CEP128: variants seen among roughly 807,000 people sequenced by gnomAD.
The protein encoded by CEP128 is centrosomal protein 128kDa.
A neutral mutation model predicts 156.7 loss-of-function variants in CEP128; 132 were observed. The observed-to-expected ratio is 0.84, with a 90% CI of 0.73 to 0.97. The LOEUF (loss-of-function observed/expected upper bound fraction) is 0.97, where lower values mean the gene tolerates loss of function less well. Among genes scored for constraint, CEP128 ranks in the 50% least tolerant of loss-of-function variants. CEP128 has a pLI of 0.00. For synonymous variants in CEP128, 469 were observed against 448.9 expected (o/e 1.04, Z -0.57); for missense variants, 1,252 against 1,281.9 (o/e 0.98, Z 0.36).
chr14:80,923,402 G>C (rs1476174822), intron 2 of CEP128, among the ~76,000 whole-genome samples: 1 of 152,196 alleles, frequency 6.6e-6, no homozygotes, highest in Non-Finnish European at 1.5e-5. Flanking sequence ...TTGACCTAAA[G>C]AGCCATCAGA....
At chr14:80,744,444 C>T (rs2096837302) in intron 18 of CEP128, among the ~76,000 whole-genome samples, 2 of 152,098 alleles carry the variant, frequency 1.3e-5, no homozygotes, top group Admixed American at 1.3e-4. Context: ...ATATAGAGTT[C>T]TGTAGAAATG....
chr14:80,656,801 T>A (rs1333619307), intron 19 of CEP128, among the ~76,000 whole-genome samples: 1 of 152,090 alleles, frequency 6.6e-6, no homozygotes, highest in Non-Finnish European at 1.5e-5. Flanking sequence ...AAGATCACAG[T>A]TTTTGCTGGT....
At chr14:80,772,188 A>G (rs902471927) in intron 16 of CEP128, among the ~76,000 whole-genome samples, 1 of 152,266 alleles carries the variant, frequency 6.6e-6, no homozygotes, top group Admixed American at 6.5e-5. Flanking sequence ...TTTTGTGCCC[A>G]TAAGTTGCCT....
intron 19 of CEP128, among the ~76,000 whole-genome samples, chr14:80,642,021 C>T (rs151288552): frequency 0.017 from 2,386 of 136,814 alleles, 68 homozygotes; most frequent in African/African-American, 0.061. Flanking sequence ...ACCCGGGAGG[C>T]GGAGCTTGCA....
chr14:80,871,728 TTACCAGAA>T (rs1888038621), intron 8 of CEP128, among the ~76,000 whole-genome samples: 1 of 152,122 alleles, frequency 6.6e-6, no homozygotes, highest in South Asian at 2.1e-4. Context: ...AAATTCATAT[TTACCAGAA>T]TACCATTATC....
chr14:80,646,408 C>T (rs1894634763), intron 19 of CEP128, among the ~76,000 whole-genome samples: 1 of 150,456 alleles, frequency 6.6e-6, no homozygotes, highest in South Asian at 2.1e-4. Flanking sequence ...AAAATGTATG[C>T]TAGGGAAATA....
At chr14:80,561,546 T>C (rs1810853549) in intron 20 of CEP128, among the ~76,000 whole-genome samples, 1 of 152,210 alleles carries the variant, frequency 6.6e-6, no homozygotes, top group African/African-American at 2.4e-5. Context: ...ATCATATTTA[T>C]ATGAACCATC....
intron 8 of CEP128, among the ~76,000 whole-genome samples, chr14:80,866,582 G>C (rs1267864387): frequency 6.6e-6 from 1 of 152,170 alleles, no homozygotes; most frequent in African/African-American, 2.4e-5. Context: ...TCATTAATGA[G>C]CCCTGCTAGA....
chr14:80,743,124 C>T lies in CEP128; in HGVS notation c.2757G>A (p.Gln919=). The change falls in exon 19 of 25, where the codon CAG becomes CAA. Residue 919 remains glutamine (Q), a synonymous_variant. Coordinates refer to ENST00000555265, the MANE Select transcript of CEP128 (RefSeq NM_152446.5). The part of the protein sequence containing the change: ...KESELQCLFQ[Q]IERQEQLLDE... ...CCAGAAGCTGCTCCTGCCTTTCTAT[C>T]TGTTGAAAGAGACACTGCAACTCAG... 1 of 1,613,824 alleles carries T rather than the reference C, an allele frequency of 6.2e-7. No individual in the cohort carries two copies.
At chr14:80,874,761 G>A (rs1888200840) in intron 8 of CEP128, among the ~76,000 whole-genome samples, 1 of 152,114 alleles carries the variant, frequency 6.6e-6, no homozygotes, top group Non-Finnish European at 1.5e-5. Flanking sequence ...GGGACTACAG[G>A]CGCCCACCGC....
chr14:80,836,279 T>A lies in CEP128; in HGVS notation c.983A>T (p.His328Leu), dbSNP rs116145713. The A allele has an allele frequency of 1.9e-6, 3 of 1,613,998 alleles. No homozygotes were observed. In the African/African-American group the frequency reaches 4.0e-5, roughly 22 times the overall value. Residue 328 changes from histidine to leucine, a missense_variant, in exon 12 of 25, where the codon CAT becomes CTT. Transcript: ENST00000555265. ...KAEGDRKGLQ[H>L]QVSQISKQQS... Reference sequence around the variant, plus strand: ...TTGCTTGGAAATCTGAGATACTTGATGCTGTAAACCCTTTCGATCACCTTC... The same window carrying A: ...TTGCTTGGAAATCTGAGATACTTGAAGCTGTAAACCCTTTCGATCACCTTC...
At chr14:80,862,019 G>A (rs73340195) in intron 9 of CEP128, among the ~76,000 whole-genome samples, 11,911 of 152,162 alleles carry the variant, frequency 0.078, 504 homozygotes, top group African/African-American at 0.098. Context: ...CTAGGTAAAT[G>A]TTATACAGAA....
At chr14:80,517,967 G>T (rs1203938191) in intron 23 of CEP128, among the ~76,000 whole-genome samples, 2 of 152,008 alleles carry the variant, frequency 1.3e-5, no homozygotes, top group Non-Finnish European at 2.9e-5. Flanking sequence ...TCAGTGGCAG[G>T]TCTGTGATGG....
intron 11 of CEP128, 98 bp from the exon 12 acceptor site, chr14:80,836,435 T>C (rs1595476695): frequency 1.5e-6 from 2 of 1,327,276 alleles, no homozygotes; most frequent in East Asian, 4.7e-5. Flanking sequence ...CAGGTTAATC[T>C]CCTTCCAAGC....
chr14:80,614,003 G>C (rs902849502), intron 19 of CEP128, among the ~76,000 whole-genome samples: 10 of 152,064 alleles, frequency 6.6e-5, no homozygotes, highest in African/African-American at 2.4e-4. Context: ...AATATTTTAT[G>C]CATAATTTTG....
At chr14:80,674,973 G>C (rs1896001495) in intron 19 of CEP128, among the ~76,000 whole-genome samples, 1 of 151,946 alleles carries the variant, frequency 6.6e-6, no homozygotes. Context: ...CTTGTTTAAA[G>C]TAAGGACCTG....
chr14:80,878,793 T>A (rs759691049), intron 8 of CEP128, among the ~76,000 whole-genome samples: 3 of 152,162 alleles, frequency 2.0e-5, no homozygotes, highest in Non-Finnish European at 4.4e-5. Flanking sequence ...GGAGAGTGAT[T>A]CTGTGCCTCA....
At chr14:80,666,731 A>G (rs1055340391) in intron 19 of CEP128, among the ~76,000 whole-genome samples, 4 of 151,942 alleles carry the variant, frequency 2.6e-5, no homozygotes, top group African/African-American at 7.2e-5. Context: ...AGACAAAAAA[A>G]AAAAAAAAGA....
At chr14:80,912,297 C>G (rs978053120) in intron 4 of CEP128, among the ~76,000 whole-genome samples, 5 of 151,662 alleles carry the variant, frequency 3.3e-5, no homozygotes, top group African/African-American at 9.7e-5. Flanking sequence ...GACAATGGAT[C>G]CCTCGTTGAA....
Sources: allele counts gnomAD v4.1 joint callset (sites outside exome capture counted in the v4.1 genomes callset), GRCh38; gene constraint gnomAD v4.1.1; transcripts MANE v1.5; gene names NCBI Gene and HGNC (gene_info 2026-07-23, HGNC 2026-07-21).